The following SNTG1 variants were observed in gnomAD, a reference collection of about 807,000 sequenced individuals.
SNTG1 encodes gamma-1-syntrophin.
SNTG1 carries 39 observed loss-of-function variants against 74.7 expected under a neutral mutation model. The observed-to-expected ratio is 0.52, with a 90% CI of 0.40 to 0.68. The LOEUF is 0.68. Ranked by LOEUF, SNTG1 falls within the 30% of genes least tolerant of loss-of-function variation. The pLI is 0.00. For missense variants in SNTG1, 685 were observed against 609.5 expected, an observed-to-expected ratio of 1.12 and a Z score of -1.30; for synonymous variants, 254 against 217.1, an observed-to-expected ratio of 1.17 and a Z score of -1.49.
chr8:50,104,942 G>C (rs2080306831), intron 1 of SNTG1, among the ~76,000 whole-genome samples: 2 of 151,972 alleles, frequency 1.3e-5, no homozygotes, highest in Admixed American at 1.3e-4. Flanking sequence ...ATATTAGACT[G>C]TTGTAGGATG....
chr8:50,271,533 T>C (rs1386742838), intron 2 of SNTG1, among the ~76,000 whole-genome samples: 1 of 152,190 alleles, frequency 6.6e-6, no homozygotes, highest in Admixed American at 6.5e-5. Context: ...CTGATTAAAT[T>C]TATAAGGTTT....
intron 17 of SNTG1, among the ~76,000 whole-genome samples, chr8:50,726,559 G>T (rs991624095): frequency 6.6e-6 from 1 of 152,128 alleles, no homozygotes; most frequent in African/African-American, 2.4e-5. Flanking sequence ...AATGAGATTA[G>T]AAATTTGAGG....
chr8:50,714,101 T>C (rs1347594805), intron 17 of SNTG1, among the ~76,000 whole-genome samples: 1 of 151,780 alleles, frequency 6.6e-6, no homozygotes, highest in Non-Finnish European at 1.5e-5. Context: ...AATCCTTTTC[T>C]TATTGCTTGT....
chr8:50,747,520 G>A (rs1428518579), intron 17 of SNTG1, among the ~76,000 whole-genome samples: 1 of 151,834 alleles, frequency 6.6e-6, no homozygotes, highest in African/African-American at 2.4e-5. Context: ...TGGGTACTAG[G>A]ATTCTACCTT....
At chr8:50,634,165 A>G (rs991851519) in intron 13 of SNTG1, among the ~76,000 whole-genome samples, 2 of 152,198 alleles carry the variant, frequency 1.3e-5, no homozygotes, top group African/African-American at 4.8e-5. Context: ...GGCTGTTCTC[A>G]TGGATGTTGT....
chr8:50,427,458 C>A (rs1328924184), intron 4 of SNTG1, among the ~76,000 whole-genome samples: 2 of 152,056 alleles, frequency 1.3e-5, no homozygotes, highest in African/African-American at 4.8e-5. Context: ...GAGTCGGGGT[C>A]TCCCTCTGTT....
At chr8:50,626,964 A>G (rs2094960687) in intron 13 of SNTG1, among the ~76,000 whole-genome samples, 1 of 152,256 alleles carries the variant, frequency 6.6e-6, no homozygotes, top group South Asian at 2.1e-4. Context: ...GTCTCATCTT[A>G]TATGTCATTA....
chr8:49,915,360 CA>C (rs984209886), intron 1 of SNTG1, among the ~76,000 whole-genome samples: 1 of 151,702 alleles, frequency 6.6e-6, no homozygotes, highest in Non-Finnish European at 1.5e-5. Flanking sequence ...ATTCATTCGT[CA>C]AAAAAAATCC....
At chr8:50,188,001 C>A (rs2083443819) in intron 2 of SNTG1, among the ~76,000 whole-genome samples, 1 of 152,134 alleles carries the variant, frequency 6.6e-6, no homozygotes, top group South Asian at 2.1e-4. Context: ...CCACCTTAGC[C>A]ACTTTGTCAC....
intron 1 of SNTG1, among the ~76,000 whole-genome samples, chr8:50,061,398 G>C (rs114828113): frequency 2.6e-5 from 4 of 151,988 alleles, no homozygotes; most frequent in African/African-American, 9.6e-5. Context: ...TTGGTCATTC[G>C]TGTCTTCTAA....
intron 15 of SNTG1, among the ~76,000 whole-genome samples, chr8:50,687,816 A>G (rs7012338): frequency 0.33 from 50,739 of 151,924 alleles, 10,983 homozygotes; most frequent in African/African-American, 0.61. Context: ...GTGAGAACAT[A>G]CAGTGTTTGG....
intron 2 of SNTG1, among the ~76,000 whole-genome samples, chr8:50,327,082 A>G (rs963485340): frequency 1.3e-5 from 2 of 152,004 alleles, no homozygotes; most frequent in Admixed American, 6.6e-5. Flanking sequence ...GTTCTTTTAA[A>G]TATTTTAAGT....
chr8:50,776,547 T>A (rs900214079), intron 18 of SNTG1, among the ~76,000 whole-genome samples: 1 of 148,676 alleles, frequency 6.7e-6, no homozygotes, highest in Non-Finnish European at 1.5e-5. Flanking sequence ...ATTCTTTATA[T>A]AATATTTTAA....
intron 15 of SNTG1, among the ~76,000 whole-genome samples, chr8:50,684,707 CT>C (rs554268067): frequency 5.6e-5 from 8 of 142,538 alleles, no homozygotes; most frequent in South Asian, 2.3e-4. Context: ...CAACATTTTT[CT>C]TTTTTTTTGT....
chr8:50,724,611 C>G (rs1394786022), intron 17 of SNTG1, among the ~76,000 whole-genome samples: 2 of 152,040 alleles, frequency 1.3e-5, no homozygotes, highest in Admixed American at 6.6e-5. Flanking sequence ...AATAAGTAGA[C>G]TAATCATTTT....
intron 10 of SNTG1, among the ~76,000 whole-genome samples, chr8:50,532,378 A>G (rs2094275781): frequency 6.6e-6 from 1 of 152,224 alleles, no homozygotes; most frequent in African/African-American, 2.4e-5. Context: ...TATGATTTTA[A>G]CACAAAAAAA....
chr8:49,926,173 T>C (rs1241369116), intron 1 of SNTG1, among the ~76,000 whole-genome samples: 2 of 152,102 alleles, frequency 1.3e-5, no homozygotes, highest in Non-Finnish European at 2.9e-5. Context: ...AACAAATCAA[T>C]AAACTTCCCA....
chr8:50,437,356 C>T (rs567205950), intron 4 of SNTG1, among the ~76,000 whole-genome samples: 52 of 152,074 alleles, frequency 3.4e-4, no homozygotes, highest in Non-Finnish European at 7.2e-4. Flanking sequence ...TTATTTTGTT[C>T]TATTTATAGA....
rs558915527 is a variant in SNTG1, at chr8:50,669,537, T to G, written c.1038+10874T>G. On this transcript the variant is annotated intron_variant, in intron 15 of 18. Transcript: ENST00000642720. ...AGACCAATAACAGGATCTGAAATTG[T>G]GGCAATAATCAATAGCTTACCAACG... is the stretch of plus-strand genomic sequence containing the variant. Among the ~76,000 whole-genome samples, 8 of 152,132 alleles carry G rather than the reference T, an allele frequency of 5.3e-5. No homozygotes were observed. The East Asian group carries it at 1.5e-3, about 29-fold the overall frequency.
Sources: allele counts gnomAD v4.1 joint callset (sites outside exome capture counted in the v4.1 genomes callset), GRCh38; gene constraint gnomAD v4.1.1; transcripts MANE v1.5; gene names NCBI Gene and HGNC (gene_info 2026-07-23, HGNC 2026-07-21).